The following FBXO34 variants were observed in gnomAD, a reference collection of about 807,000 sequenced individuals.
The protein encoded by FBXO34 is F-box only protein 34.
A neutral mutation model predicts 24.5 loss-of-function variants in FBXO34; 12 were observed. The observed-to-expected ratio is 0.49, with a 90% CI of 0.31 to 0.79. The LOEUF is 0.79. Ranked by LOEUF, FBXO34 falls within the 30% of genes least tolerant of loss-of-function variation. The pLI is 0.04. For synonymous variants in FBXO34, 320 were observed against 311.9 expected, an observed-to-expected ratio of 1.03 and a Z score of -0.27; for missense variants, 823 against 857.7, an observed-to-expected ratio of 0.96 and a Z score of 0.51.
intron 1 of FBXO34, among the ~76,000 whole-genome samples, chr14:55,341,611 T>A (rs959151807): frequency 3.9e-5 from 6 of 152,238 alleles, no homozygotes; most frequent in African/African-American, 1.4e-4. Flanking sequence ...GGAAATTAAA[T>A]TTTCCTGGTA....
the FBXO34 span, among the ~76,000 whole-genome samples, chr14:55,392,090 T>C: frequency 5.9e-5 from 9 of 152,140 alleles, no homozygotes; most frequent in Non-Finnish European, 1.0e-4. Flanking sequence ...AATGAATCTG[T>C]CCCACCTCAG....
downstream of FBXO34, among the ~76,000 whole-genome samples, chr14:55,356,377 C>T (rs73279069): frequency 9.4e-3 from 1,424 of 152,286 alleles, 31 homozygotes; most frequent in African/African-American, 0.033. Context: ...AGCTGTATGT[C>T]GGGTATGCCT....
chr14:55,311,759 G>T (rs1866940641), intron 1 of FBXO34, among the ~76,000 whole-genome samples: 1 of 151,900 alleles, frequency 6.6e-6, no homozygotes, highest in South Asian at 2.1e-4. Context: ...GGGAGTTTTG[G>T]TCTTGTTGCC....
At chr14:55,378,034 G>T in the FBXO34 span, 1 of 1,612,898 alleles carries the variant, frequency 6.2e-7, no homozygotes, top group South Asian at 1.1e-5. Context: ...TTCACTGCTC[G>T]AGTAAATTTC....
chr14:55,408,497 C>T, the FBXO34 span, among the ~76,000 whole-genome samples: 1 of 152,040 alleles, frequency 6.6e-6, no homozygotes, highest in East Asian at 1.9e-4. Flanking sequence ...AGCAGCCAGG[C>T]GTGGTGGCTC....
chr14:55,409,204 A>G, the FBXO34 span, among the ~76,000 whole-genome samples: 13 of 152,238 alleles, frequency 8.5e-5, no homozygotes, highest in Non-Finnish European at 1.9e-4. Context: ...AGAGAAAAAG[A>G]AAAGTATAGG....
chr14:55,420,894 C>T, the FBXO34 span, among the ~76,000 whole-genome samples: 1 of 151,760 alleles, frequency 6.6e-6, no homozygotes, highest in Non-Finnish European at 1.5e-5. Context: ...CCCGTCTCTA[C>T]TAAAAATACA....
the FBXO34 span, chr14:55,424,043 G>A: frequency 3.0e-6 from 2 of 659,598 alleles, no homozygotes; most frequent in African/African-American, 3.6e-5. Context: ...TTCATTCCAG[G>A]TATTCTGTAT....
At chr14:55,385,200 C>T in the FBXO34 span, among the ~76,000 whole-genome samples, 1,709 of 152,288 alleles carry the variant, frequency 0.011, 14 homozygotes, top group Middle Eastern at 0.027. Context: ...ATTTATCAGA[C>T]AAGGAAATCA....
At chr14:55,422,658 C>A in the FBXO34 span, among the ~76,000 whole-genome samples, 1 of 152,174 alleles carries the variant, frequency 6.6e-6, no homozygotes, top group African/African-American at 2.4e-5. Context: ...TCGAGACCAG[C>A]CTAGCCAATT....
chr14:55,414,447 C>A, the FBXO34 span: 1 of 1,603,394 alleles, frequency 6.2e-7, no homozygotes. Flanking sequence ...TCAGAACGTT[C>A]TTTGGCACCT....
the FBXO34 span, among the ~76,000 whole-genome samples, chr14:55,390,101 G>C: frequency 6.6e-5 from 10 of 152,076 alleles, no homozygotes; most frequent in African/African-American, 2.2e-4. Flanking sequence ...ACAGAGTTTT[G>C]CTCTTGTTGC....
chr14:55,436,986 G>A, the FBXO34 span: 2 of 1,614,168 alleles, frequency 1.2e-6, no homozygotes, highest in Non-Finnish European at 1.7e-6. Flanking sequence ...CAACTGGGCT[G>A]AACAGGGGAG....
the FBXO34 span, among the ~76,000 whole-genome samples, chr14:55,401,906 G>A: frequency 6.6e-6 from 1 of 152,174 alleles, no homozygotes; most frequent in South Asian, 2.1e-4. Flanking sequence ...CTATGTAACT[G>A]CACCAAGCAT....
the FBXO34 span, among the ~76,000 whole-genome samples, chr14:55,419,555 C>T: frequency 6.6e-6 from 1 of 152,214 alleles, no homozygotes; most frequent in Non-Finnish European, 1.5e-5. Context: ...AAGCTGGGCC[C>T]AGGTCCTGTT....
chr14:55,299,085 G>A, intron 1 of FBXO34: 1 of 1,445,720 alleles, frequency 6.9e-7, no homozygotes. Flanking sequence ...AGAAAAGTCT[G>A]ACGAGGATGA....
downstream of FBXO34, among the ~76,000 whole-genome samples, chr14:55,366,185 T>A (rs1884673375): frequency 6.6e-6 from 1 of 152,186 alleles, no homozygotes; most frequent in African/African-American, 2.4e-5. Flanking sequence ...TGCAACCAGC[T>A]TCTCAGCTTG....
At position 55,367,047 on chromosome 14, in the gene FBXO34, C is replaced by T. The variant is rs145552124; in HGVS notation, c.*345-100C>T. On this transcript the variant is annotated intron_variant and NMD_transcript_variant, in intron 2 of 2. Transcript: ENST00000680658. ...AAGTGCCTCTAGTTGATATTAACAA[C>T]AACAAACAAAATATATCCTATCCAT... The T allele has an allele frequency of 3.1e-3, 473 of 152,752 alleles. 1 individual carries two copies. Among genetic ancestry groups the T allele is most frequent in the Middle Eastern group, 0.024 (7 of 294 alleles). The allele number at this position is 152,752 out of a possible 1,614,324, so 9.5% of individuals were successfully genotyped here. A position where few individuals can be genotyped will look rare whatever the true frequency, so the allele number is the denominator to read the frequency against.
intron 1 of FBXO34, among the ~76,000 whole-genome samples, chr14:55,331,703 A>ATATG (rs1257688415): frequency 6.3e-5 from 4 of 63,204 alleles, no homozygotes; most frequent in African/African-American, 4.9e-4. Context: ...ATATATATAT[A>ATATG]TGTATATATA....
Sources: allele counts gnomAD v4.1 joint callset (sites outside exome capture counted in the v4.1 genomes callset), GRCh38; gene constraint gnomAD v4.1.1; transcripts MANE v1.5; gene names NCBI Gene and HGNC (gene_info 2026-07-23, HGNC 2026-07-21).